The following OVCH1 variants were observed in gnomAD, a reference collection of about 807,000 sequenced individuals.
OVCH1 encodes ovochymase 1.
Under a neutral mutation model 138.4 loss-of-function variants are expected in OVCH1, and 139 were observed. The observed-to-expected ratio is 1.00, with a 90% CI of 0.87 to 1.16. OVCH1 has a LOEUF of 1.16. OVCH1 is among the 50% of genes most tolerant of loss of function. OVCH1 has a pLI of 0.00. For synonymous variants in OVCH1, 453 were observed against 467.8 expected (o/e 0.97, Z 0.41); for missense variants, 1,367 against 1,357.9 (o/e 1.01, Z -0.11).
At chr12:29,437,475 A>G (rs1431671118) in intron 26 of OVCH1, among the ~76,000 whole-genome samples, 4 of 152,194 alleles carry the variant, frequency 2.6e-5, no homozygotes, top group Admixed American at 6.5e-5. Context: ...GTGAATTATC[A>G]TAAGGGTGAT....
At chr12:29,461,478 T>C (rs1942129331) in intron 19 of OVCH1, among the ~76,000 whole-genome samples, 1 of 152,238 alleles carries the variant, frequency 6.6e-6, no homozygotes, top group Non-Finnish European at 1.5e-5. Flanking sequence ...AATAAAACTT[T>C]TAAGTCATAA....
chr12:29,410,353 T>C (rs1445455609), downstream of OVCH1, among the ~76,000 whole-genome samples: 1 of 151,502 alleles, frequency 6.6e-6, no homozygotes, highest in African/African-American at 2.4e-5. Context: ...CCTGTCATTA[T>C]GATGTTAGCT....
At chr12:29,477,623 TCCCTGCTTC>T (rs1942787768) in intron 9 of OVCH1, 145 bp from the exon 11 acceptor site, 1 of 1,601,178 alleles carries the variant, frequency 6.2e-7, no homozygotes, top group Admixed American at 1.7e-5. Flanking sequence ...CATTCAACAT[TCCCTGCTTC>T]AGTGACTTTG....
At chr12:29,462,094 T>TGTTG in intron 18 of OVCH1, 86 bp from the exon 19 acceptor site, 5 of 1,404,476 alleles carry the variant, frequency 3.6e-6, no homozygotes, top group African/African-American at 2.9e-5. Flanking sequence ...GATGTAGCTC[T>TGTTG]GTACCAACAT....
chr12:29,456,651 T>C (rs922270006), intron 19 of OVCH1, among the ~76,000 whole-genome samples: 3 of 152,368 alleles, frequency 2.0e-5, no homozygotes, highest in Non-Finnish European at 4.4e-5. Flanking sequence ...TGAGGTTCAA[T>C]GTGAAAATCA....
downstream of OVCH1, among the ~76,000 whole-genome samples, chr12:29,426,573 ATCTC>A (rs893000812): frequency 3.3e-5 from 5 of 152,198 alleles, no homozygotes; most frequent in Non-Finnish European, 7.3e-5. Context: ...CCAAACAGAT[ATCTC>A]TCTATAAATC....
At chr12:29,455,227 A>G (rs1941913005) in intron 20 of OVCH1, 22 bp downstream of exon 20, 1 of 1,608,828 alleles carries the variant, frequency 6.2e-7, no homozygotes, top group Admixed American at 1.7e-5. Context: ...TATTGTTTTA[A>G]TAACATTTGA....
intron 25 of OVCH1, 125 bp downstream of exon 25, chr12:29,443,236 T>G: frequency 2.1e-6 from 2 of 932,346 alleles, no homozygotes; most frequent in Non-Finnish European, 3.0e-6. Flanking sequence ...GTAAGTCTAT[T>G]TCAACATCCT....
the OVCH1 span, among the ~76,000 whole-genome samples, chr12:29,404,303 C>T: frequency 3.3e-5 from 5 of 152,148 alleles, no homozygotes; most frequent in Admixed American, 1.3e-4. Flanking sequence ...CTTCCCATGC[C>T]GGGCACATTG....
intron 3 of OVCH1, among the ~76,000 whole-genome samples, chr12:29,414,093 G>A (rs186413302): frequency 1.8e-4 from 26 of 145,382 alleles, no homozygotes; most frequent in African/African-American, 6.8e-4. Flanking sequence ...AATCTCGGCT[G>A]ACTGCAACCT....
At chr12:29,403,251 A>G in the OVCH1 span, among the ~76,000 whole-genome samples, 5 of 152,190 alleles carry the variant, frequency 3.3e-5, no homozygotes, top group Admixed American at 2.0e-4. Flanking sequence ...TAATAATTCA[A>G]ACTTTTATAA....
chr12:29,445,744 T>G (rs1173700165), intron 22 of OVCH1, among the ~76,000 whole-genome samples: 2 of 152,078 alleles, frequency 1.3e-5, no homozygotes, highest in Non-Finnish European at 2.9e-5. Flanking sequence ...TAAAAATACC[T>G]CACCATGAAG....
At chr12:29,461,200 T>C (rs892573017) in intron 19 of OVCH1, among the ~76,000 whole-genome samples, 3 of 152,218 alleles carry the variant, frequency 2.0e-5, no homozygotes, top group Admixed American at 6.5e-5. Context: ...TTCCCTTACT[T>C]GGGTAGCCCC....
In OVCH1 at chr12:29,483,489, T is replaced by C. The variant is rs578201942; in HGVS notation, c.995+2757A>G. ...CATTTTACATTAGTTTTGAAAGTTA[T>C]AATCTTTCCATCATTTTAGTTTTAG... On this transcript the variant is annotated intron_variant, in intron 8 of 27. Coordinates refer to ENST00000318184, the Ensembl canonical transcript of OVCH1. Among the ~76,000 whole-genome samples the C allele has an allele frequency of 2.6e-5, 4 of 152,360 alleles. No homozygotes were observed. In the South Asian group the frequency reaches 6.2e-4, roughly 24 times the overall value.
chr12:29,410,169 T>G (rs1940936463), downstream of OVCH1, among the ~76,000 whole-genome samples: 1 of 134,526 alleles, frequency 7.4e-6, no homozygotes, highest in Non-Finnish European at 1.8e-5. Flanking sequence ...TGGTAGATCT[T>G]CCTCCATCCC....
intron 25 of OVCH1, among the ~76,000 whole-genome samples, chr12:29,441,888 CCAT>C (rs1182411477): frequency 6.6e-6 from 1 of 152,058 alleles, no homozygotes; most frequent in African/African-American, 2.4e-5. Flanking sequence ...CCGTCACTGG[CCAT>C]CAGAGAAATG....
chr12:29,489,818 A>G lies in OVCH1; in HGVS notation c.551-47T>C, dbSNP rs767486610. ...GTTAGCACACAATATCCTCATGGAA[A>G]CAAATTAATGGGAAGTCTACAAGTT... On this transcript the variant is annotated intron_variant, in intron 5 of 27. Coordinates refer to ENST00000318184, the Ensembl canonical transcript of OVCH1. The G allele has an allele frequency of 1.1e-5, 17 of 1,558,000 alleles. No individual in the cohort carries two copies. The African/African-American group carries it at 1.9e-4, about 17-fold the overall frequency.
intron 4 of OVCH1, among the ~76,000 whole-genome samples, chr12:29,494,723 C>G (rs1462936105): frequency 6.6e-6 from 1 of 152,048 alleles, no homozygotes; most frequent in Non-Finnish European, 1.5e-5. Context: ...CAGAGAAAAA[C>G]AAATATCACA....
chr12:29,439,376 T>C (rs1425144518), exon 26 of OVCH1: 2 of 1,570,076 alleles, frequency 1.3e-6, no homozygotes, highest in Non-Finnish European at 1.7e-6. Flanking sequence ...TAAAATTCAG[T>C]TTTTCTCTTT....
Sources: gnomAD v4.1 joint callset for allele counts (sites outside exome capture counted in the v4.1 genomes callset) on GRCh38, gnomAD v4.1.1 for gene constraint, MANE v1.5 for transcripts, NCBI Gene and HGNC (gene_info 2026-07-23, HGNC 2026-07-21) for gene names.